The following GALNTL6 variants were observed in gnomAD, a reference collection of about 807,000 sequenced individuals.
GALNTL6 encodes the protein polypeptide N-acetylgalactosaminyltransferase-like 6.
Under a neutral mutation model 73.7 loss-of-function variants are expected in GALNTL6, and 46 were observed. The observed-to-expected ratio is 0.62, with a 90% CI of 0.49 to 0.80. The LOEUF (loss-of-function observed/expected upper bound fraction) is 0.80. Ranked by LOEUF, GALNTL6 falls within the 30% of genes least tolerant of loss-of-function variation. The probability of loss-of-function intolerance (pLI) is 0.00; values close to 1 mark genes in which losing one functional copy is unlikely to be tolerated. For synonymous variants in GALNTL6, 259 were observed against 263.7 expected (o/e 0.98, Z 0.17); for missense variants, 604 against 755.0 (o/e 0.80, Z 2.34).
chr4:173,035,501 C>T (rs1386620372), intron 12 of GALNTL6, among the ~76,000 whole-genome samples: 54 of 152,192 alleles, frequency 3.5e-4, no homozygotes, highest in Non-Finnish European at 2.5e-4. Flanking sequence ...TCTTGTTTAC[C>T]TATTGGTCTC....
chr4:172,279,245 G>T (rs943988415), intron 3 of GALNTL6, among the ~76,000 whole-genome samples: 5 of 152,064 alleles, frequency 3.3e-5, no homozygotes, highest in African/African-American at 1.2e-4. Context: ...ATAAACTTCT[G>T]TGGATCAAAG....
intron 5 of GALNTL6, among the ~76,000 whole-genome samples, chr4:172,518,491 G>T (rs542617562): frequency 6.6e-6 from 1 of 151,768 alleles, no homozygotes; most frequent in Non-Finnish European, 1.5e-5. Context: ...TTTAGAGAAC[G>T]GTGAAGATGA....
At chr4:172,941,995 A>C (rs2126310794) in intron 9 of GALNTL6, among the ~76,000 whole-genome samples, 1 of 152,330 alleles carries the variant, frequency 6.6e-6, no homozygotes, top group East Asian at 1.9e-4. Flanking sequence ...GTTCATGCCA[A>C]GAATTCCATT....
intron 8 of GALNTL6, among the ~76,000 whole-genome samples, chr4:172,887,352 TA>T (rs1745775375): frequency 6.6e-6 from 1 of 152,076 alleles, no homozygotes; most frequent in South Asian, 2.1e-4. Context: ...ATGTACCTAG[TA>T]ATGAGATTGC....
chr4:172,195,423 G>T (rs1735730757), intron 2 of GALNTL6, among the ~76,000 whole-genome samples: 1 of 152,030 alleles, frequency 6.6e-6, no homozygotes, highest in Non-Finnish European at 1.5e-5. Context: ...CTCAGCTCTG[G>T]ATCAAATAGA....
chr4:171,997,173 T>C (rs931776657), intron 2 of GALNTL6, among the ~76,000 whole-genome samples: 2 of 152,126 alleles, frequency 1.3e-5, no homozygotes, highest in Admixed American at 1.3e-4. Context: ...TGCAAATGAC[T>C]TTCAGAGAGT....
At chr4:171,999,128 A>G (rs1003608312) in intron 2 of GALNTL6, among the ~76,000 whole-genome samples, 1 of 152,136 alleles carries the variant, frequency 6.6e-6, no homozygotes, top group Non-Finnish European at 1.5e-5. Context: ...TCCCTCAATA[A>G]GCTTAGCCTG....
intron 6 of GALNTL6, among the ~76,000 whole-genome samples, chr4:172,812,885 G>A (rs981390979): frequency 6.6e-6 from 1 of 152,190 alleles, no homozygotes; most frequent in African/African-American, 2.4e-5. Flanking sequence ...AAGAGTAGCA[G>A]AAGTAATCGC....
chr4:172,158,669 AG>A (rs555161814), intron 2 of GALNTL6, among the ~76,000 whole-genome samples: 93 of 152,324 alleles, frequency 6.1e-4, no homozygotes, highest in African/African-American at 2.1e-3. Context: ...AAAGTTAAAC[AG>A]GGTCCATTTA....
chr4:172,782,380 T>C (rs893544536), intron 5 of GALNTL6, among the ~76,000 whole-genome samples: 1 of 152,032 alleles, frequency 6.6e-6, no homozygotes, highest in Non-Finnish European at 1.5e-5. Context: ...GAGGAAGCAA[T>C]TATATTTGTC....
intron 2 of GALNTL6, among the ~76,000 whole-genome samples, chr4:171,862,993 T>C (rs1353775175): frequency 6.6e-5 from 10 of 152,184 alleles, no homozygotes; most frequent in Non-Finnish European, 1.0e-4. Flanking sequence ...TATGGAGTAA[T>C]GTGTCATCTG....
At chr4:172,727,373 A>T (rs1040509405) in intron 5 of GALNTL6, among the ~76,000 whole-genome samples, 3 of 152,248 alleles carry the variant, frequency 2.0e-5, no homozygotes, top group African/African-American at 7.2e-5. Flanking sequence ...AATTACTCAC[A>T]AACTATAAAC....
intron 5 of GALNTL6, among the ~76,000 whole-genome samples, chr4:172,592,613 C>T (rs1422737299): frequency 1.3e-5 from 2 of 152,048 alleles, no homozygotes; most frequent in Non-Finnish European, 2.9e-5. Flanking sequence ...AGTTTGAGAG[C>T]CATTTTAGAA....
intron 5 of GALNTL6, among the ~76,000 whole-genome samples, chr4:172,374,371 G>T (rs1022641827): frequency 6.6e-6 from 1 of 152,086 alleles, no homozygotes; most frequent in Admixed American, 6.6e-5. Context: ...TTTGTTCAGG[G>T]CCCAGGGCTT....
At chr4:172,085,363 G>A (rs72988329) in intron 2 of GALNTL6, among the ~76,000 whole-genome samples, 9,832 of 152,054 alleles carry the variant, frequency 0.065, 1,014 homozygotes, top group African/African-American at 0.22. Context: ...AATTCATGTA[G>A]GAATCATACG....
intron 5 of GALNTL6, among the ~76,000 whole-genome samples, chr4:172,357,022 A>C (rs2111231078): frequency 6.6e-6 from 1 of 152,238 alleles, no homozygotes; most frequent in South Asian, 2.1e-4. Context: ...AATAACAGAA[A>C]CCATCATTTC....
At chr4:171,903,025 CGAA>C (rs533626217) in intron 2 of GALNTL6, among the ~76,000 whole-genome samples, 1 of 151,972 alleles carries the variant, frequency 6.6e-6, no homozygotes, top group East Asian at 2.0e-4. Flanking sequence ...CAGTCAAAGA[CGAA>C]GAAGGAGTCT....
intron 5 of GALNTL6, among the ~76,000 whole-genome samples, chr4:172,467,806 T>TTTTCTTTCTTTCTTTCTTTCTTTC (rs57581185): frequency 2.5e-5 from 3 of 121,798 alleles, no homozygotes; most frequent in Admixed American, 8.9e-5. Context: ...GCATTTTACA[T>TTTTCTTTCTTTCTTTCTTTCTTTC]TTTCTTTCTT....
chr4:172,728,540 G>A (rs993730063), intron 5 of GALNTL6, among the ~76,000 whole-genome samples: 1 of 151,824 alleles, frequency 6.6e-6, no homozygotes, highest in Admixed American at 6.6e-5. Flanking sequence ...AAATATATAT[G>A]TGTGTATATA....
Sources: allele counts gnomAD v4.1 joint callset (sites outside exome capture counted in the v4.1 genomes callset), GRCh38; gene constraint gnomAD v4.1.1; transcripts MANE v1.5; gene names NCBI Gene and HGNC (gene_info 2026-07-23, HGNC 2026-07-21).